Variants in FNIP1 observed in about 807,000 individuals in gnomAD.
The protein encoded by FNIP1 is folliculin interacting protein 1.
Under a neutral mutation model 124.5 loss-of-function variants are expected in FNIP1, and 40 were observed. That is an observed-to-expected ratio of 0.32 (90% CI 0.25 to 0.42). FNIP1 has a LOEUF of 0.42. FNIP1 is among the 10% of genes least tolerant of loss of function. FNIP1 has a pLI of 1.00. For missense variants in FNIP1, 1,176 were observed against 1,403.7 expected (o/e 0.84, Z 2.59); for synonymous variants, 472 against 470.6 (o/e 1.00, Z -0.04).
At position 131,648,092 on chromosome 5, in the gene FNIP1, G is replaced by A. The variant is rs186323843; in HGVS notation, c.3307-887C>T. 4.5e-3 allele frequency among the ~76,000 whole-genome samples: 674 copies of A among 151,064 alleles called. 5 individuals are homozygous for A. Among genetic ancestry groups the A allele is most frequent in the African/African-American group, 0.016 (654 of 41,142 alleles). On this transcript the variant is annotated intron_variant, in intron 16 of 17. Coordinates refer to ENST00000510461, the MANE Select transcript of FNIP1 (RefSeq NM_133372.3). Reference sequence around the variant, plus strand: ...TACTTGTAATCGCAACATTCTGGGAGGTGGAGGCAGGAGGATCATCTGAGG... The same window carrying A: ...TACTTGTAATCGCAACATTCTGGGAAGTGGAGGCAGGAGGATCATCTGAGG...
At chr5:131,718,885 G>GA (rs1326955048) in intron 5 of FNIP1, 101 bp downstream of exon 5, 2 of 935,284 alleles carry the variant, frequency 2.1e-6, no homozygotes, top group Middle Eastern at 2.2e-4. Context: ...AGGAAAGACA[G>GA]AAAATCTGAA....
intron 2 of FNIP1, among the ~76,000 whole-genome samples, chr5:131,732,941 T>C (rs1008358078): frequency 2.0e-5 from 3 of 152,214 alleles, no homozygotes; most frequent in Admixed American, 2.0e-4. Context: ...TTTCACGATA[T>C]TGATTCTTTC....
intron 11 of FNIP1, among the ~76,000 whole-genome samples, chr5:131,679,711 C>G (rs1768018107): frequency 6.6e-6 from 1 of 152,194 alleles, no homozygotes; most frequent in Non-Finnish European, 1.5e-5. Context: ...TTATGACTCT[C>G]TCAACCTTCT....
chr5:131,693,329 TATAC>T (rs1290819020), intron 11 of FNIP1, among the ~76,000 whole-genome samples: 8 of 59,308 alleles, frequency 1.3e-4, no homozygotes, highest in East Asian at 4.2e-4. Flanking sequence ...CATATATATA[TATAC>T]ATATATATAT....
intron 6 of FNIP1, among the ~76,000 whole-genome samples, chr5:131,715,409 C>T (rs971747703): frequency 4.6e-5 from 7 of 152,062 alleles, no homozygotes; most frequent in Non-Finnish European, 7.4e-5. Flanking sequence ...TCGCTTGAAC[C>T]CGGGAGGCAG....
In FNIP1 at chr5:131,719,311, T is replaced by G; in HGVS notation, c.455+6A>C. ...CTCGTTAAAAAAAAATCAGAAAACC[T>G]CTCACCGAATCTGATGAATTTTTAA... On this transcript the variant is annotated splice_donor_region_variant and intron_variant, in intron 4 of 17. Transcript: ENST00000510461. 1 of 1,586,780 alleles carries G rather than the reference T, an allele frequency of 6.3e-7. No individual in the cohort carries two copies. The highest frequency in any genetic ancestry group is 8.5e-7 in the Non-Finnish European group (1 of 1,173,006).
intron 16 of FNIP1, among the ~76,000 whole-genome samples, chr5:131,651,490 T>A (rs1767037685): frequency 6.6e-6 from 1 of 152,214 alleles, no homozygotes. Context: ...TGGTAAGGGC[T>A]CTCTTCCTGC....
At chr5:131,656,576 T>C (rs1331108463) in intron 15 of FNIP1, among the ~76,000 whole-genome samples, 1 of 152,110 alleles carries the variant, frequency 6.6e-6, no homozygotes, top group Non-Finnish European at 1.5e-5. Flanking sequence ...GCTGGAGAAT[T>C]TAACGCTAGG....
At chr5:131,730,145 T>C (rs1176644830) in intron 3 of FNIP1, among the ~76,000 whole-genome samples, 4 of 152,196 alleles carry the variant, frequency 2.6e-5, no homozygotes, top group African/African-American at 9.7e-5. Context: ...TTTGTTAAGG[T>C]ATCATGCCTA....
chr5:131,673,016 G>T, intron 13 of FNIP1, 92 bp from the exon 14 acceptor site: 10 of 880,526 alleles, frequency 1.1e-5, no homozygotes, highest in African/African-American at 3.4e-5. Context: ...TTCTTTTACT[G>T]TATGAGTAAT....
At chr5:131,724,799 G>A (rs533158182) in intron 3 of FNIP1, among the ~76,000 whole-genome samples, 85 of 152,258 alleles carry the variant, frequency 5.6e-4, no homozygotes, top group African/African-American at 1.7e-3. Flanking sequence ...GAATGGTATT[G>A]CATAGGTTTT....
chr5:131,662,530 G>C (rs911242222), intron 15 of FNIP1, among the ~76,000 whole-genome samples: 1 of 152,146 alleles, frequency 6.6e-6, no homozygotes, highest in Non-Finnish European at 1.5e-5. Flanking sequence ...CAGTCACCTT[G>C]TACTGTAGGT....
chr5:131,776,212 T>G (rs1001709582), intron 1 of FNIP1, among the ~76,000 whole-genome samples: 1 of 152,188 alleles, frequency 6.6e-6, no homozygotes, highest in African/African-American at 2.4e-5. Flanking sequence ...ATATTTTATA[T>G]GGTAAGGTGT....
chr5:131,701,067 C>A (rs745318142), intron 10 of FNIP1, among the ~76,000 whole-genome samples: 1 of 152,164 alleles, frequency 6.6e-6, no homozygotes, highest in Non-Finnish European at 1.5e-5. Flanking sequence ...AGCAAGTGAG[C>A]GAGCATTACT....
At chr5:131,696,948 T>C (rs1233598464) in intron 11 of FNIP1, among the ~76,000 whole-genome samples, 3 of 152,174 alleles carry the variant, frequency 2.0e-5, no homozygotes, top group Non-Finnish European at 4.4e-5. Flanking sequence ...ATGATTATTA[T>C]ACAATAGTCA....
intron 1 of FNIP1, among the ~76,000 whole-genome samples, chr5:131,789,002 T>G (rs1234879273): frequency 6.6e-6 from 1 of 152,178 alleles, no homozygotes; most frequent in African/African-American, 2.4e-5. Flanking sequence ...CTAGCCAAGA[T>G]ATGCAATCAA....
chr5:131,715,373 C>T (rs1432069319), intron 6 of FNIP1, among the ~76,000 whole-genome samples: 2 of 152,042 alleles, frequency 1.3e-5, no homozygotes, highest in Non-Finnish European at 2.9e-5. Context: ...GCAGTCCCAG[C>T]TACTTGGAAG....
intron 1 of FNIP1, among the ~76,000 whole-genome samples, chr5:131,752,678 A>G (rs1219218395): frequency 6.6e-6 from 1 of 152,246 alleles, no homozygotes; most frequent in Non-Finnish European, 1.5e-5. Flanking sequence ...GGGTACAGGT[A>G]CAACTTGGGC....
chr5:131,690,437 G>C (rs1443372309), intron 11 of FNIP1, among the ~76,000 whole-genome samples: 1 of 152,048 alleles, frequency 6.6e-6, no homozygotes, highest in Admixed American at 6.6e-5. Context: ...TTGAATCACG[G>C]AGGCGGTTTC....
Sources: gnomAD v4.1 joint callset for allele counts (sites outside exome capture counted in the v4.1 genomes callset) on GRCh38, gnomAD v4.1.1 for gene constraint, MANE v1.5 for transcripts, NCBI Gene and HGNC (gene_info 2026-07-23, HGNC 2026-07-21) for gene names.